The following CHRNG variants were observed in gnomAD, a reference collection of about 807,000 sequenced individuals.
CHRNG encodes the protein cholinergic receptor nicotinic gamma subunit, also known as acetylcholine receptor subunit gamma.
In CHRNG, 72 loss-of-function variants were observed where a neutral mutation model predicts 65.2. That is an observed-to-expected ratio of 1.10 (90% CI 0.91 to 1.34). The LOEUF (loss-of-function observed/expected upper bound fraction) is 1.34, where lower values mean the gene tolerates loss of function less well. Among genes scored for constraint, CHRNG ranks in the 40% most tolerant of loss-of-function variants. The pLI, the probability that CHRNG is intolerant of heterozygous loss-of-function variation, is 0.00. For synonymous variants in CHRNG, 284 were observed against 290.2 expected (o/e 0.98, Z 0.22); for missense variants, 637 against 680.1 (o/e 0.94, Z 0.70).
intron 5 of CHRNG, chr2:232,542,010 G>C: frequency 3.2e-6 from 1 of 315,178 alleles, no homozygotes; most frequent in Non-Finnish European, 6.0e-6. Context: ...CCCGGGGGAG[G>C]GTTCTCCTGT....
At position 232,540,597 on chromosome 2, in the gene CHRNG, T is replaced by C. The variant is rs16829198; in HGVS notation, c.241-5T>C. ...GAGGCCTAGCAACTGCCCCTCCCCC[T>C]GCAGCAGTGGTGCGACTATCGCCTG... On this transcript the variant is annotated splice_polypyrimidine_tract_variant and splice_region_variant and intron_variant, in intron 3 of 11. Transcript: ENST00000651502. This position sits in a 1 kb window ranked among gnomAD's most constrained non-coding sequence, Gnocchi z 4.2. 5.8e-4 allele frequency: 928 copies of C among 1,610,780 alleles called. 5 individuals carry two copies. In the African/African-American group the frequency reaches 0.01, roughly 18 times the overall value.
At chr2:232,544,319 T>C in intron 9 of CHRNG, 48 bp from the exon 10 acceptor site, 2 of 1,433,898 alleles carry the variant, frequency 1.4e-6, no homozygotes, top group African/African-American at 1.4e-5. Context: ...CTCTGGCTTC[T>C]GCTCTGAAGC....
intron 5 of CHRNG, 68 bp from the exon 6 acceptor site, chr2:232,542,355 G>A (rs1692034648): frequency 9.9e-7 from 1 of 1,014,812 alleles, no homozygotes; most frequent in Non-Finnish European, 1.6e-6. Context: ...GTCCCCAGAA[G>A]GTCATCCCCA....
Position 232,539,985 on chromosome 2 carries a change from A to G in CHRNG, c.56-7A>G. The G allele has an allele frequency of 6.2e-7, 1 of 1,614,052 alleles. No individual in the cohort carries two copies. The highest frequency in any genetic ancestry group is 1.7e-5 in the Admixed American group (1 of 60,016). On this transcript the variant is annotated splice_region_variant and splice_polypyrimidine_tract_variant and intron_variant, in intron 1 of 11. Coordinates refer to ENST00000651502, the MANE Select transcript of CHRNG (RefSeq NM_005199.5). ...GCTCCTGCTAGGCTCACGCCTGTCT[A>G]TTGCAGGGGCCCAGGGCCGGAACCA...
In CHRNG at chr2:232,546,621, G is replaced by A. The variant is rs1484645026; in HGVS notation, c.*905G>A. ...TTGAGTCTTGGGATTACAGGCATAAGCCACTGTACCTGGCCTCCTTTTTAA... is the reference window on the plus strand; with the variant it reads ...TTGAGTCTTGGGATTACAGGCATAAACCACTGTACCTGGCCTCCTTTTTAA... On this transcript the variant is annotated 3_prime_UTR_variant, in exon 12 of 12. Transcript: ENST00000651502. 6.6e-6 allele frequency among the ~76,000 whole-genome samples: 1 copy of A among 152,072 alleles called. No individual in the cohort carries two copies. The highest frequency in any genetic ancestry group is 1.5e-5 in the Non-Finnish European group (1 of 68,008).
In CHRNG at chr2:232,543,370, G is replaced by T; in HGVS notation, c.901G>T (p.Ala301Ser). 6.2e-7 allele frequency: 1 copy of T among 1,613,682 alleles called. No individual in the cohort carries two copies. Among genetic ancestry groups the T allele is most frequent in the Non-Finnish European group, 8.5e-7 (1 of 1,179,636 alleles). Reference sequence around the variant, plus strand: ...CAAGAAGGTGCCTGAAACCTCCCAGGCGGTGCCACTCATCAGCAAGTAAGG... The same window carrying T: ...CAAGAAGGTGCCTGAAACCTCCCAGTCGGTGCCACTCATCAGCAAGTAAGG... ...VAKKVPETSQ[A>S]VPLISKYLTF... Residue 301 changes from alanine to serine, a missense_variant, in exon 8 of 12, where the codon GCG becomes TCG. By Grantham distance (99) the Ala-to-Ser change is moderately conservative. Transcript: ENST00000651502.
At chr2:232,542,303 A>G in intron 5 of CHRNG, 120 bp from the exon 6 acceptor site, 3 of 718,170 alleles carry the variant, frequency 4.2e-6, no homozygotes, top group Admixed American at 2.0e-5. Context: ...AGAACTCAGA[A>G]GCGTGGGGCT....
chr2:232,544,049 T>C (rs893664834), intron 9 of CHRNG, among the ~76,000 whole-genome samples: 52 of 152,220 alleles, frequency 3.4e-4, no homozygotes, highest in African/African-American at 1.2e-3. Flanking sequence ...CTGTGTGATC[T>C]GTAGCCCACC....
In CHRNG at chr2:232,545,845, A is replaced by C; in HGVS notation, c.*129A>C. On this transcript the variant is annotated 3_prime_UTR_variant, in exon 12 of 12. Transcript: ENST00000651502. The stretch of plus-strand genomic sequence containing the variant: ...GTGCCCTTCAGGACTGTGTGAGCCA[A>C]ACAGCCCTGAGAAAAGCTGGGGAAA... 9.4e-7 allele frequency: 1 copy of C among 1,069,176 alleles called. No homozygotes were observed. Among genetic ancestry groups the C allele is most frequent in the Non-Finnish European group, 1.4e-6 (1 of 708,846 alleles). 66.2% of individuals were successfully genotyped at this position (1,069,176 alleles called of 1,614,324 possible).
At chr2:232,543,230 G>T (rs751486796) in intron 7 of CHRNG, 45 bp from the exon 8 acceptor site, 2 of 1,552,298 alleles carry the variant, frequency 1.3e-6, no homozygotes, top group Non-Finnish European at 1.8e-6. Flanking sequence ...CTCTGTGGGT[G>T]GGGGAGGTAG....
At position 232,547,188 on chromosome 2, in the gene CHRNG, C is replaced by T. The variant is rs1192068879; in HGVS notation, c.*1472C>T. 6.6e-6 allele frequency among the ~76,000 whole-genome samples: 1 copy of T among 152,172 alleles called. No homozygotes were observed. The highest frequency in any genetic ancestry group is 1.5e-5 in the Non-Finnish European group (1 of 68,024). Reference sequence around the variant, plus strand: ...TTGGGAGGACAAGGTGGGTGGACTGCTTGAGCTCAGGAGCCCACGAACCCA... The same window carrying T: ...TTGGGAGGACAAGGTGGGTGGACTGTTTGAGCTCAGGAGCCCACGAACCCA... On this transcript the variant is annotated 3_prime_UTR_variant, in exon 12 of 12. Coordinates refer to ENST00000651502, the MANE Select transcript of CHRNG (RefSeq NM_005199.5).
Position 232,547,851 on chromosome 2 carries a change from T to C in CHRNG, c.*2135T>C, listed in dbSNP as rs1692158410. The C allele has an allele frequency of 1.2e-5, 4 of 340,762 alleles. No homozygotes were observed. Among genetic ancestry groups the C allele is most frequent in the Non-Finnish European group, 2.1e-5 (4 of 190,236 alleles). The allele number at this position is 340,762 out of a possible 1,614,324, so 21.1% of individuals were successfully genotyped here. A position where few individuals can be genotyped will look rare whatever the true frequency, so the allele number is the denominator to read the frequency against. Reference sequence around the variant, plus strand: ...ACTCAAATGTTAACATTAGCTGCCATTACTATAAGTTACTGTCTCATGGGA... The same window carrying C: ...ACTCAAATGTTAACATTAGCTGCCACTACTATAAGTTACTGTCTCATGGGA... On this transcript the variant is annotated 3_prime_UTR_variant, in exon 12 of 12. Transcript: ENST00000651502.
Position 232,546,683 on chromosome 2 carries a change from T to A in CHRNG, c.*967T>A, listed in dbSNP as rs1692140339. Among the ~76,000 whole-genome samples the A allele has an allele frequency of 6.6e-6, 1 of 151,776 alleles. No homozygotes were observed. Among genetic ancestry groups the A allele is most frequent in the Admixed American group, 6.6e-5 (1 of 15,222 alleles). ...TCACAGCAGTATGGATAAGCAAGAG[T>A]CATTATTCCCCATGTTATATAGGCA... is the stretch of plus-strand genomic sequence containing the variant. On this transcript the variant is annotated 3_prime_UTR_variant, in exon 12 of 12. Coordinates refer to ENST00000651502, the MANE Select transcript of CHRNG (RefSeq NM_005199.5).
rs750582540 is a variant in CHRNG at position 232,543,688 on chromosome 2, G to C, written c.1024G>C (p.Gly342Arg). The stretch of plus-strand genomic sequence containing the variant: ...TCCACACACACACTCCATGGCCCGA[G>C]GGGTCCGCAAGGCAAGGACCCTCCC... ...RSPHTHSMARGVRKVFLRLLP... is the reference protein window; with the variant it reads ...RSPHTHSMARRVRKVFLRLLP... Residue 342 changes from glycine (G) to arginine (R), a missense_variant, in exon 9 of 12, where the codon GGG becomes CGG. Transcript: ENST00000651502. 4 of 1,609,562 alleles carry C rather than the reference G, an allele frequency of 2.5e-6. No homozygotes were observed. Among genetic ancestry groups the C allele is most frequent in the Non-Finnish European group, 8.5e-7 (1 of 1,176,204 alleles).
At position 232,541,381 on chromosome 2, in the gene CHRNG, G is replaced by T. The variant is rs755562229; in HGVS notation, c.358G>T (p.Gly120Cys). Residue 120 changes from glycine to cysteine, a missense_variant, in exon 5 of 12, where the codon GGT becomes TGT. Physicochemically the swap from Gly to Cys is radical, Grantham distance 159. Coordinates refer to ENST00000651502, the MANE Select transcript of CHRNG (RefSeq NM_005199.5). This position sits in a 1 kb window ranked among gnomAD's most constrained non-coding sequence, Gnocchi z 4.0. ...CCTGTTCTGTGCATACAGCGTGGACGGTGTCTTCGAGGTGGCCCTCTACTG... is the reference window on the plus strand; with the variant it reads ...CCTGTTCTGTGCATACAGCGTGGACTGTGTCTTCGAGGTGGCCCTCTACTG... ...PDIVLENNVD[G>C]VFEVALYCNV... 1.9e-6 allele frequency: 3 copies of T among 1,614,064 alleles called. No individual in the cohort carries two copies. The highest frequency in any genetic ancestry group is 3.3e-5 in the Admixed American group (2 of 60,012).
chr2:232,546,637 T>G lies in CHRNG; in HGVS notation c.*921T>G, dbSNP rs556461712. Among the ~76,000 whole-genome samples the G allele has an allele frequency of 6.0e-4, 91 of 152,246 alleles. 1 individual carries two copies. The highest frequency in any genetic ancestry group is 2.0e-3 in the African/African-American group (82 of 41,540). ...CAGGCATAAGCCACTGTACCTGGCC[T>G]CCTTTTTAATTAAGAGCTCCTCACA... On this transcript the variant is annotated 3_prime_UTR_variant, in exon 12 of 12. Coordinates refer to ENST00000651502, the MANE Select transcript of CHRNG (RefSeq NM_005199.5).
At position 232,547,327 on chromosome 2, in the gene CHRNG, A is replaced by C. The variant is rs555998311; in HGVS notation, c.*1611A>C. Among the ~76,000 whole-genome samples the C allele has an allele frequency of 5.3e-5, 8 of 152,258 alleles. No individual in the cohort carries two copies. In the East Asian group the frequency reaches 1.5e-3, roughly 29 times the overall value. ...CAGTTACTCGGGAGGCTGAGGTGGG[A>C]GGATCGCTTGAGCCCAGGAGGTCTA... On this transcript the variant is annotated 3_prime_UTR_variant, in exon 12 of 12. Coordinates refer to ENST00000651502, the MANE Select transcript of CHRNG (RefSeq NM_005199.5).
At chr2:232,543,427 C>A in intron 8 of CHRNG, 38 bp downstream of exon 8, 2 of 1,479,538 alleles carry the variant, frequency 1.4e-6, no homozygotes, top group Non-Finnish European at 1.9e-6. Flanking sequence ...CTATGCCACT[C>A]TCCCTTCTTG....
At position 232,540,199 on chromosome 2, in the gene CHRNG, G is replaced by A. The variant is rs990853883; in HGVS notation, c.195+68G>A. The A allele has an allele frequency of 7.4e-6, 12 of 1,613,174 alleles. No homozygotes were observed. The highest frequency in any genetic ancestry group is 9.3e-6 in the Non-Finnish European group (11 of 1,179,482). ...GGACCTGCTGGGGATAGCATGGGGT[G>A]GCTCCAGCCACCAAGAGGTTGGAGG... On this transcript the variant is annotated intron_variant, in intron 2 of 11. Transcript: ENST00000651502. The surrounding 1 kb of genome is among the most constrained non-coding windows in gnomAD (Gnocchi z 4.2).
Sources: gnomAD v4.1 joint callset for allele counts (sites outside exome capture counted in the v4.1 genomes callset) on GRCh38, gnomAD v4.1.1 for gene constraint, Gnocchi (gnomAD v3.1) non-coding constraint, MANE v1.5 for transcripts, NCBI Gene and HGNC (gene_info 2026-07-23, HGNC 2026-07-21) for gene names.